NPTN: variants seen among roughly 807,000 people sequenced by gnomAD.
NPTN encodes the protein neuroplastin, also known as SDR-1.
NPTN carries 5 observed loss-of-function variants against 42.7 expected under a neutral mutation model. That is an observed-to-expected ratio of 0.12 (90% CI 0.06 to 0.25). The LOEUF (loss-of-function observed/expected upper bound fraction) is 0.25, where lower values mean the gene tolerates loss of function less well. NPTN is among the 10% of genes least tolerant of loss of function. The pLI is 1.00. For missense variants in NPTN, 307 were observed against 525.4 expected (o/e 0.58, Z 4.06); for synonymous variants, 180 against 201.9 (o/e 0.89, Z 0.92).
chr15:73,589,048 T>A (rs1896461441), intron 3 of NPTN, among the ~76,000 whole-genome samples: 1 of 152,024 alleles, frequency 6.6e-6, no homozygotes, highest in African/African-American at 2.4e-5. Context: ...GAAGAGTGTA[T>A]GGGTCAGGCG....
intron 1 of NPTN, among the ~76,000 whole-genome samples, chr15:73,604,937 T>C (rs187504175): frequency 2.7e-4 from 41 of 152,036 alleles, no homozygotes; most frequent in African/African-American, 9.4e-4. Context: ...TGAAATCCTG[T>C]CTCTACCAAA....
At chr15:73,602,877 G>T (rs1233341169) in intron 1 of NPTN, among the ~76,000 whole-genome samples, 12 of 152,222 alleles carry the variant, frequency 7.9e-5, no homozygotes, top group Non-Finnish European at 1.3e-4. Flanking sequence ...TGGAAATTAA[G>T]ATCATCCCTA....
At chr15:73,582,077 G>T (rs909133228) in intron 4 of NPTN, among the ~76,000 whole-genome samples, 1 of 152,142 alleles carries the variant, frequency 6.6e-6, no homozygotes, top group Non-Finnish European at 1.5e-5. Context: ...CCGACCTTGT[G>T]ATCTGCCCGT....
intron 1 of NPTN, among the ~76,000 whole-genome samples, chr15:73,624,936 G>GA (rs961304261): frequency 1.1e-4 from 16 of 151,294 alleles, no homozygotes; most frequent in African/African-American, 2.4e-4. Flanking sequence ...GTTCTAAAAG[G>GA]AAAAAAAATC....
intron 1 of NPTN, among the ~76,000 whole-genome samples, chr15:73,620,779 T>C (rs1327849652): frequency 1.3e-5 from 2 of 152,198 alleles, no homozygotes; most frequent in Non-Finnish European, 1.5e-5. Context: ...AAAATCACAT[T>C]ATCAACAGCA....
chr15:73,603,351 A>G (rs1897152367), intron 1 of NPTN, among the ~76,000 whole-genome samples: 1 of 152,274 alleles, frequency 6.6e-6, no homozygotes, highest in Admixed American at 6.5e-5. Context: ...AGAACTTCAC[A>G]TCCAAAATGA....
At chr15:73,594,212 A>T (rs1193211666) in intron 2 of NPTN, among the ~76,000 whole-genome samples, 1 of 152,142 alleles carries the variant, frequency 6.6e-6, no homozygotes, top group Non-Finnish European at 1.5e-5. Context: ...TTCCTCTCAG[A>T]CTGCACTGAG....
At chr15:73,605,186 G>C (rs1897245548) in intron 1 of NPTN, among the ~76,000 whole-genome samples, 1 of 151,874 alleles carries the variant, frequency 6.6e-6, no homozygotes, top group Non-Finnish European at 1.5e-5. Flanking sequence ...ACTGGGGGCA[G>C]GGCTCACACA....
intron 1 of NPTN, among the ~76,000 whole-genome samples, chr15:73,598,803 C>T (rs1221544295): frequency 6.6e-6 from 1 of 152,118 alleles, no homozygotes; most frequent in Non-Finnish European, 1.5e-5. Flanking sequence ...TCCTACAGTC[C>T]AGAAGCCAAG....
At chr15:73,582,328 G>A (rs1896090705) in intron 4 of NPTN, among the ~76,000 whole-genome samples, 2 of 152,166 alleles carry the variant, frequency 1.3e-5, no homozygotes, top group South Asian at 4.1e-4. Context: ...TGGACAAAAT[G>A]AACACTTGGC....
At chr15:73,596,748 G>C (rs16958046) in intron 2 of NPTN, among the ~76,000 whole-genome samples, 1 of 152,094 alleles carries the variant, frequency 6.6e-6, no homozygotes, top group East Asian at 1.9e-4. Context: ...GGACAGTCAC[G>C]GATTTCCTCA....
intron 1 of NPTN, among the ~76,000 whole-genome samples, chr15:73,598,424 G>A (rs1325972264): frequency 6.6e-6 from 1 of 151,698 alleles, no homozygotes; most frequent in African/African-American, 2.4e-5. Flanking sequence ...CCCATAATTT[G>A]CTTGAGGTTA....
chr15:73,629,356 A>G (rs2141484158), intron 1 of NPTN, among the ~76,000 whole-genome samples: 1 of 152,336 alleles, frequency 6.6e-6, no homozygotes, highest in East Asian at 1.9e-4. Flanking sequence ...CACAGCTGCC[A>G]TAGATAAGAT....
intron 2 of NPTN, among the ~76,000 whole-genome samples, chr15:73,596,481 T>C (rs765884546): frequency 2.0e-5 from 3 of 151,850 alleles, no homozygotes; most frequent in Non-Finnish European, 2.9e-5. Context: ...CTTAAAACCA[T>C]AGAGGTGAAG....
intron 1 of NPTN, among the ~76,000 whole-genome samples, chr15:73,608,593 G>A (rs1897400034): frequency 6.6e-6 from 1 of 152,106 alleles, no homozygotes; most frequent in Non-Finnish European, 1.5e-5. Context: ...ACAATATAGG[G>A]AGAATGACAG....
At chr15:73,616,236 C>T (rs1261507323) in intron 1 of NPTN, among the ~76,000 whole-genome samples, 2 of 152,102 alleles carry the variant, frequency 1.3e-5, no homozygotes, top group Non-Finnish European at 2.9e-5. Flanking sequence ...ACAAAACACT[C>T]TTATGCAAAA....
At chr15:73,596,048 C>T (rs1257537354) in intron 2 of NPTN, among the ~76,000 whole-genome samples, 2 of 152,192 alleles carry the variant, frequency 1.3e-5, no homozygotes, top group Non-Finnish European at 2.9e-5. Flanking sequence ...GTCTGGAGTT[C>T]CCATGCTCTG....
chr15:73,603,820 A>T (rs982586421), intron 1 of NPTN, among the ~76,000 whole-genome samples: 5 of 152,244 alleles, frequency 3.3e-5, no homozygotes, highest in African/African-American at 4.8e-5. Flanking sequence ...ATGTCACATT[A>T]GCTTAATTTC....
intron 1 of NPTN, among the ~76,000 whole-genome samples, chr15:73,614,144 T>G (rs1897738359): frequency 6.8e-6 from 1 of 147,752 alleles, no homozygotes; most frequent in Non-Finnish European, 1.5e-5. Flanking sequence ...AAACCTCATC[T>G]CTACAAAAAA....
Sources: allele counts gnomAD v4.1 joint callset (sites outside exome capture counted in the v4.1 genomes callset), GRCh38; gene constraint gnomAD v4.1.1; transcripts MANE v1.5; gene names NCBI Gene and HGNC (gene_info 2026-07-23, HGNC 2026-07-21).